AR: variants seen among roughly 807,000 people sequenced by gnomAD.
AR encodes dihydrotestosterone receptor.
Under a neutral mutation model 53.9 loss-of-function variants are expected in AR, and 8 were observed. The ratio of observed to expected loss-of-function variants is 0.15; its 90% CI spans 0.09 to 0.27. The LOEUF is 0.27. Ranked by LOEUF, AR falls within the 10% of genes least tolerant of loss-of-function variation. The pLI is 1.00. For synonymous variants in AR, 359 were observed against 316.4 expected, an observed-to-expected ratio of 1.13 and a Z score of -1.43; for missense variants, 639 against 742.5, an observed-to-expected ratio of 0.86 and a Z score of 1.62.
chrX:67,689,807 T>C (rs760740109), intron 3 of AR: 1 of 683,760 alleles, frequency 1.5e-6, no homozygotes, highest in Admixed American at 6.8e-5. Flanking sequence ...CTCCAGTGAA[T>C]TAGCTGTGGC....
intron 2 of AR, among the ~76,000 whole-genome samples, chrX:67,667,869 A>C: frequency 9.0e-6 from 1 of 111,214 alleles, no homozygotes; most frequent in East Asian, 2.8e-4. Flanking sequence ...TAGATTGTTC[A>C]CTGTTGGCAT....
chrX:67,634,359 A>G lies in AR; in HGVS notation c.1617-8897A>G, dbSNP rs1298025573. On this transcript the variant is annotated intron_variant, in intron 1 of 7. Transcript: ENST00000374690. ...TTACAGTAATAACCATTTATTAAGC[A>G]CTGTGTCCGCAGTGGTGTGGGGCTG... Among the ~76,000 whole-genome samples the G allele has an allele frequency of 3.6e-5, 4 of 111,618 alleles. No individual in the cohort carries two copies. In the Admixed American group the frequency reaches 3.8e-4, roughly 11 times the overall value.
intron 1 of AR, among the ~76,000 whole-genome samples, chrX:67,621,577 C>T (rs1404236095): frequency 1.8e-5 from 2 of 110,660 alleles, no homozygotes; most frequent in Non-Finnish European, 3.8e-5. Flanking sequence ...TCTCATTGTT[C>T]AGCTCCCCCT....
chrX:67,612,711 C>A (rs1362571993), intron 1 of AR, among the ~76,000 whole-genome samples: 4 of 112,089 alleles, frequency 3.6e-5, no homozygotes, highest in Admixed American at 9.5e-5. Context: ...CATTTAAAAT[C>A]TTCAGAAAAT....
intron 3 of AR, among the ~76,000 whole-genome samples, chrX:67,708,922 C>T (rs2076081192): frequency 8.9e-6 from 1 of 111,996 alleles, no homozygotes. Context: ...ACCCTGTTTG[C>T]CTGGGTGTCG....
At chrX:67,690,643 T>C (rs759722758) in intron 3 of AR, among the ~76,000 whole-genome samples, 1 of 112,241 alleles carries the variant, frequency 8.9e-6, no homozygotes, top group African/African-American at 3.2e-5. Flanking sequence ...AAATATTTAT[T>C]GAGTACCAAC....
At chrX:67,706,035 G>T (rs62605198) in intron 3 of AR, among the ~76,000 whole-genome samples, 2 of 110,697 alleles carry the variant, frequency 1.8e-5, no homozygotes, top group Non-Finnish European at 3.8e-5. Flanking sequence ...ATGTGCTGCT[G>T]GATTCAGTTT....
chrX:67,697,939 T>G (rs1046964104), intron 3 of AR, among the ~76,000 whole-genome samples: 4 of 112,019 alleles, frequency 3.6e-5, no homozygotes, highest in African/African-American at 1.3e-4. Flanking sequence ...GTACAGAATC[T>G]GCCTTCTACT....
At chrX:67,555,258 T>C (rs1275044186) in intron 1 of AR, among the ~76,000 whole-genome samples, 4 of 111,959 alleles carry the variant, frequency 3.6e-5, no homozygotes. Flanking sequence ...TGGCTGCTTT[T>C]AATCCTTCGT....
intron 3 of AR, among the ~76,000 whole-genome samples, chrX:67,690,342 G>T (rs903797928): frequency 8.9e-6 from 1 of 111,772 alleles, no homozygotes; most frequent in African/African-American, 3.3e-5. Flanking sequence ...CTATTGCCAT[G>T]GTCTGATGTC....
intron 1 of AR, among the ~76,000 whole-genome samples, chrX:67,628,297 T>A (rs1924818865): frequency 9.9e-6 from 1 of 100,576 alleles, no homozygotes; most frequent in African/African-American, 3.4e-5. Context: ...TTTGTTTGTA[T>A]CCTCTTTTAT....
intron 3 of AR, among the ~76,000 whole-genome samples, chrX:67,706,892 C>A (rs1400006965): frequency 8.9e-6 from 1 of 112,042 alleles, no homozygotes; most frequent in Non-Finnish European, 1.9e-5. Flanking sequence ...TTTCTGCCTT[C>A]ATTTCATTAT....
intron 2 of AR, among the ~76,000 whole-genome samples, chrX:67,676,679 G>A (rs1006221978): frequency 1.1e-4 from 12 of 111,787 alleles, no homozygotes; most frequent in African/African-American, 3.6e-4. Context: ...CCAGCAGACA[G>A]GATTTGGATC....
chrX:67,670,501 T>C (rs1199611219), intron 2 of AR, among the ~76,000 whole-genome samples: 1 of 106,075 alleles, frequency 9.4e-6, no homozygotes, highest in Non-Finnish European at 1.9e-5. Flanking sequence ...CCAAAAAAAT[T>C]AGCAGCTATA....
intron 2 of AR, among the ~76,000 whole-genome samples, chrX:67,676,079 T>C (rs756429130): frequency 8.9e-6 from 1 of 112,416 alleles, no homozygotes; most frequent in Non-Finnish European, 1.9e-5. Flanking sequence ...GAAAACACTA[T>C]AGAAAATGAC....
At chrX:67,561,997 A>G (rs1037948688) in intron 1 of AR, among the ~76,000 whole-genome samples, 4 of 96,082 alleles carry the variant, frequency 4.2e-5, no homozygotes, top group African/African-American at 1.2e-4. Context: ...CTGGAGTGCA[A>G]TGGCGCAATC....
At chrX:67,689,726 C>A (rs145800459) in intron 3 of AR, 1 of 834,600 alleles carries the variant, frequency 1.2e-6, no homozygotes, top group East Asian at 1.1e-4. Context: ...AATTGCTTGA[C>A]GAATTTAAAT....
chrX:67,669,863 TA>T (rs1730098337), intron 2 of AR, among the ~76,000 whole-genome samples: 1 of 110,032 alleles, frequency 9.1e-6, no homozygotes, highest in African/African-American at 3.3e-5. Flanking sequence ...GTATTGCTGC[TA>T]ATTTTTTTGG....
At chrX:67,720,503 C>A (rs2076131259) in intron 5 of AR, among the ~76,000 whole-genome samples, 1 of 111,950 alleles carries the variant, frequency 8.9e-6, no homozygotes, top group African/African-American at 3.2e-5. Context: ...AGCCAGACCT[C>A]AGGGTCAGCC....
Sources: gnomAD v4.1 joint callset for allele counts (sites outside exome capture counted in the v4.1 genomes callset) on GRCh38, gnomAD v4.1.1 for gene constraint, MANE v1.5 for transcripts, NCBI Gene and HGNC (gene_info 2026-07-23, HGNC 2026-07-21) for gene names.